Variants in NRXN1 observed in about 807,000 individuals in gnomAD.
The protein encoded by NRXN1 is neurexin 1.
In NRXN1, 39 loss-of-function variants were observed where a neutral mutation model predicts 150.9. The ratio of observed to expected loss-of-function variants is 0.26; its 90% CI spans 0.20 to 0.34. The LOEUF is 0.34. Ranked by LOEUF, NRXN1 falls within the 10% of genes least tolerant of loss-of-function variation. The pLI is 1.00. For missense variants in NRXN1, 1,815 were observed against 1,949.9 expected (o/e 0.93, Z 1.30); for synonymous variants, 924 against 757.0 (o/e 1.22, Z -3.62).
At chr2:50,365,775 G>T (rs1245003509) in intron 17 of NRXN1, among the ~76,000 whole-genome samples, 1 of 151,874 alleles carries the variant, frequency 6.6e-6, no homozygotes, top group African/African-American at 2.4e-5. Flanking sequence ...ATCCTATATA[G>T]ACAGTAAGAA....
At position 50,357,302 on chromosome 2, in the gene NRXN1, A is replaced by ATTTATTTATTTG. The variant is rs59536239; in HGVS notation, c.3364+108139_3364+108140insCAAATAAATAAA. On this transcript the variant is annotated intron_variant, in intron 17 of 22. Transcript: ENST00000401669. ...AAATAATACATTTATTTATTTATTT[A>ATTTATTTATTTG]TTTTTTTTTTTATTTATTATTTTGA... Among the ~76,000 whole-genome samples, 619 of 142,900 alleles carry ATTTATTTATTTG rather than the reference A, an allele frequency of 4.3e-3. 3 individuals carry two copies. The highest frequency in any genetic ancestry group is 7.0e-3 in the Non-Finnish European group (467 of 67,156). The allele number at this position is 142,900 out of a possible 152,430, so 93.7% of individuals were successfully genotyped here.
At chr2:50,407,892 G>C (rs150307256) in intron 17 of NRXN1, among the ~76,000 whole-genome samples, 11 of 152,240 alleles carry the variant, frequency 7.2e-5, no homozygotes, top group South Asian at 4.2e-4. Flanking sequence ...ATATGGGAAA[G>C]ACCACAGCCT....
chr2:50,191,264 T>A (rs2061427548), intron 18 of NRXN1, among the ~76,000 whole-genome samples: 1 of 150,940 alleles, frequency 6.6e-6, no homozygotes, highest in South Asian at 2.1e-4. Context: ...GATCTCTAAC[T>A]CCTGACCTCA....
chr2:50,194,101 C>A (rs185055823), intron 18 of NRXN1, among the ~76,000 whole-genome samples: 2 of 152,188 alleles, frequency 1.3e-5, no homozygotes, highest in African/African-American at 4.8e-5. Flanking sequence ...GATAGGGGAA[C>A]TACAACTCAG....
chr2:50,769,945 A>AT (rs1211181126), intron 5 of NRXN1, among the ~76,000 whole-genome samples: 1 of 152,086 alleles, frequency 6.6e-6, no homozygotes, highest in African/African-American at 2.4e-5. Flanking sequence ...ACTGTCTGCC[A>AT]TGGGGGTGAG....
chr2:50,502,227 G>A (rs2104959113), intron 13 of NRXN1, among the ~76,000 whole-genome samples: 1 of 61,612 alleles, frequency 1.6e-5, no homozygotes, highest in South Asian at 5.1e-4. Context: ...AGGAAAGAAG[G>A]AAGGAAGGAA....
intron 17 of NRXN1, among the ~76,000 whole-genome samples, chr2:50,449,048 T>C (rs150014361): frequency 6.6e-6 from 1 of 152,152 alleles, no homozygotes; most frequent in South Asian, 2.1e-4. Context: ...TTAAACTAGA[T>C]CATCTAATGA....
chr2:50,000,709 C>A (rs1422232245), intron 21 of NRXN1, among the ~76,000 whole-genome samples: 1 of 152,086 alleles, frequency 6.6e-6, no homozygotes, highest in Non-Finnish European at 1.5e-5. Context: ...AACAGGATAT[C>A]AATGTGGTGA....
intron 5 of NRXN1, among the ~76,000 whole-genome samples, chr2:50,676,131 T>C (rs1016777297): frequency 6.6e-6 from 1 of 152,014 alleles, no homozygotes; most frequent in African/African-American, 2.4e-5. Context: ...ACAGGATATC[T>C]TGTTTTTTAA....
intron 17 of NRXN1, among the ~76,000 whole-genome samples, chr2:50,357,793 G>A (rs1012725796): frequency 6.6e-6 from 1 of 152,186 alleles, no homozygotes; most frequent in African/African-American, 2.4e-5. Flanking sequence ...CAGGCAAGAT[G>A]GCCAAATAGG....
chr2:50,656,196 C>T lies in NRXN1; in HGVS notation c.833-32581G>A, dbSNP rs1182761319. 3.9e-5 allele frequency among the ~76,000 whole-genome samples: 6 copies of T among 151,920 alleles called. No homozygotes were observed. The East Asian group carries it at 1.2e-3, about 29-fold the overall frequency. On this transcript the variant is annotated intron_variant, in intron 5 of 22. Coordinates refer to ENST00000401669, the MANE Select transcript of NRXN1 (RefSeq NM_001330078.2). Reference sequence around the variant, plus strand: ...TCTCATACACCACTTCACCCCCTGCCCCCAAACACACAAAAGCAAAGTGAT... The same window carrying T: ...TCTCATACACCACTTCACCCCCTGCTCCCAAACACACAAAAGCAAAGTGAT...
intron 5 of NRXN1, among the ~76,000 whole-genome samples, chr2:50,831,462 T>C (rs1671396456): frequency 1.3e-5 from 2 of 152,148 alleles, no homozygotes; most frequent in Admixed American, 1.3e-4. Flanking sequence ...AAGAAAGTAT[T>C]AGTTATCCTT....
At chr2:50,090,539 T>G (rs993270146) in intron 19 of NRXN1, among the ~76,000 whole-genome samples, 9 of 152,096 alleles carry the variant, frequency 5.9e-5, no homozygotes, top group Non-Finnish European at 1.3e-4. Context: ...AATTTATATA[T>G]TACTTAAAAA....
chr2:50,089,942 C>A (rs1008639440), intron 19 of NRXN1, among the ~76,000 whole-genome samples: 4 of 152,154 alleles, frequency 2.6e-5, no homozygotes, highest in African/African-American at 9.7e-5. Flanking sequence ...CATTACTTCA[C>A]CTTATTGTAT....
At chr2:50,848,335 T>G (rs180856784) in intron 5 of NRXN1, among the ~76,000 whole-genome samples, 2 of 152,282 alleles carry the variant, frequency 1.3e-5, no homozygotes, top group African/African-American at 4.8e-5. Flanking sequence ...TTGCTGGCAC[T>G]CTCTGCCATT....
At chr2:49,984,925 T>A (rs1680648141) in intron 21 of NRXN1, among the ~76,000 whole-genome samples, 1 of 152,310 alleles carries the variant, frequency 6.6e-6, no homozygotes, top group South Asian at 2.1e-4. Context: ...ATCTGCCTAT[T>A]TGGGCATCCA....
chr2:50,269,613 TAA>T (rs1246762222), intron 17 of NRXN1, among the ~76,000 whole-genome samples: 8 of 152,184 alleles, frequency 5.3e-5, no homozygotes, highest in African/African-American at 1.9e-4. Flanking sequence ...AGCTAGAAGT[TAA>T]GTCCAGTAAA....
chr2:50,569,692 T>C (rs1670375342), intron 8 of NRXN1, among the ~76,000 whole-genome samples: 1 of 152,096 alleles, frequency 6.6e-6, no homozygotes, highest in African/African-American at 2.4e-5. Flanking sequence ...ACCTAAGGTA[T>C]TTTTATAAAA....
intron 5 of NRXN1, among the ~76,000 whole-genome samples, chr2:50,675,072 C>G (rs1443393791): frequency 6.6e-6 from 1 of 151,986 alleles, no homozygotes; most frequent in African/African-American, 2.4e-5. Flanking sequence ...CACCATGTGG[C>G]ACACTGGCTC....
Sources: allele counts gnomAD v4.1 joint callset (sites outside exome capture counted in the v4.1 genomes callset), GRCh38; gene constraint gnomAD v4.1.1; transcripts MANE v1.5; gene names NCBI Gene and HGNC (gene_info 2026-07-23, HGNC 2026-07-21).